NOS1: variants seen among roughly 807,000 people sequenced by gnomAD.
NOS1 encodes nitric oxide synthase 1.
NOS1 carries 51 observed loss-of-function variants against 164.5 expected under a neutral mutation model. That is an observed-to-expected ratio of 0.31 (90% CI 0.25 to 0.39). The LOEUF (loss-of-function observed/expected upper bound fraction) is 0.39. Ranked by LOEUF, NOS1 falls within the 10% of genes least tolerant of loss-of-function variation. The pLI, the probability that NOS1 is intolerant of heterozygous loss-of-function variation, is 1.00. For synonymous variants in NOS1, 719 were observed against 745.8 expected (o/e 0.96, Z 0.59); for missense variants, 1,362 against 1,885.6 (o/e 0.72, Z 5.14).
intron 1 of NOS1, among the ~76,000 whole-genome samples, chr12:117,359,224 C>A (rs1247501439): frequency 6.7e-6 from 1 of 149,492 alleles, no homozygotes; most frequent in African/African-American, 2.4e-5. Flanking sequence ...GCTGGTGGGG[C>A]GGACACCCCC....
Position 117,220,103 on chromosome 12 carries a change from TC to T in NOS1, c.4141del (p.Asp1381ThrfsTer9). On this transcript the variant is annotated frameshift_variant, in exon 27 of 29. Transcript: ENST00000317775. LOFTEE classifies it high-confidence loss of function. ...MTQQGKLSAE[D>X]AGVFISRMRD... ...CATCCGGCTGATGAATACGCCGGCG[TC>T]CTCTGCCGAGAGCTTCCCCTGCTGG... is the stretch of plus-strand genomic sequence containing the variant. The T allele has an allele frequency of 6.2e-7, 1 of 1,612,506 alleles. No individual in the cohort carries two copies. Among genetic ancestry groups the T allele is most frequent in the Non-Finnish European group, 8.5e-7 (1 of 1,179,314 alleles).
chr12:117,319,989 C>T (rs952759741), intron 2 of NOS1, among the ~76,000 whole-genome samples: 4 of 152,112 alleles, frequency 2.6e-5, no homozygotes, highest in Admixed American at 6.6e-5. Context: ...TCCTAAAGTA[C>T]GTAGCTGGTG....
At chr12:117,238,913 G>A (rs1869943390) in intron 20 of NOS1, among the ~76,000 whole-genome samples, 1 of 152,164 alleles carries the variant, frequency 6.6e-6, no homozygotes, top group Non-Finnish European at 1.5e-5. Flanking sequence ...TCTGCTCTTC[G>A]GAAAATGATG....
intron 4 of NOS1, 104 bp from the exon 5 acceptor site, chr12:117,288,323 C>T (rs2139734): frequency 1.8e-6 from 2 of 1,096,900 alleles, no homozygotes; most frequent in Non-Finnish European, 2.6e-6. Context: ...TTATCTGGCC[C>T]TTAATTCCCA....
chr12:117,341,597 T>C (rs1437846250), intron 1 of NOS1, among the ~76,000 whole-genome samples: 1 of 152,172 alleles, frequency 6.6e-6, no homozygotes, highest in Admixed American at 6.5e-5. Flanking sequence ...GTTCCTTCTA[T>C]CCATGGACGC....
At chr12:117,216,775 G>A (rs1956618190) in intron 28 of NOS1, among the ~76,000 whole-genome samples, 1 of 152,144 alleles carries the variant, frequency 6.6e-6, no homozygotes, top group South Asian at 2.1e-4. Context: ...CACCACACCT[G>A]GCCTTAAAGG....
rs1000582035 is a variant in NOS1, at chr12:117,359,196, G to A, written c.-421+2316C>T. Reference sequence around the variant, plus strand: ...AAATCCAGACTAGTGGAAAGGGGCCGGGGCCCGCCGTGGCGGTGCTGGTGG... The same window carrying A: ...AAATCCAGACTAGTGGAAAGGGGCCAGGGCCCGCCGTGGCGGTGCTGGTGG... On this transcript the variant is annotated intron_variant, in intron 1 of 28. Coordinates refer to ENST00000317775, the MANE Select transcript of NOS1 (RefSeq NM_000620.5). 1.1e-4 allele frequency among the ~76,000 whole-genome samples: 14 copies of A among 133,126 alleles called. No individual in the cohort carries two copies. In the South Asian group the frequency reaches 1.5e-3, roughly 14 times the overall value. 87.3% of individuals were successfully genotyped at this position (133,126 alleles called of 152,430 possible).
Position 117,209,731 on chromosome 12 carries a change from G to A in NOS1, c.*5578C>T, listed in dbSNP as rs1394634042. 2 of 985,402 alleles carry A rather than the reference G, an allele frequency of 2.0e-6. No homozygotes were observed. Among genetic ancestry groups the A allele is most frequent in the Admixed American group, 6.1e-5 (1 of 16,276 alleles). 61.0% of individuals were successfully genotyped at this position (985,402 alleles called of 1,614,324 possible). ...CAGACACTGCTTTCCACGGGTGAAAGTGTACCTGGGTCCTTACATTTGGGG... is the reference window on the plus strand; with the variant it reads ...CAGACACTGCTTTCCACGGGTGAAAATGTACCTGGGTCCTTACATTTGGGG... On this transcript the variant is annotated 3_prime_UTR_variant, in exon 29 of 29. Transcript: ENST00000317775.
intron 1 of NOS1, among the ~76,000 whole-genome samples, chr12:117,348,946 G>T (rs1876487485): frequency 6.6e-6 from 1 of 152,198 alleles, no homozygotes; most frequent in Non-Finnish European, 1.5e-5. Context: ...TCATGCCATT[G>T]TCAATCTTCT....
At chr12:117,286,005 AC>A in intron 6 of NOS1, 98 bp downstream of exon 6, 1 of 1,333,682 alleles carries the variant, frequency 7.5e-7, no homozygotes. Flanking sequence ...GCTACCAGGT[AC>A]CCTTGGTAGA....
chr12:117,343,591 T>C (rs1876214785), intron 1 of NOS1, among the ~76,000 whole-genome samples: 1 of 152,252 alleles, frequency 6.6e-6, no homozygotes, highest in Non-Finnish European at 1.5e-5. Flanking sequence ...ACTTTCGTAA[T>C]GATTAAGCAA....
At chr12:117,258,998 C>G (rs781693796) in intron 15 of NOS1, 28 bp downstream of exon 15, 2 of 1,538,006 alleles carry the variant, frequency 1.3e-6, no homozygotes, top group Non-Finnish European at 1.8e-6. Flanking sequence ...TGGAACCACA[C>G]TCTTGAACAG....
chr12:117,242,868 T>C (rs912942704), intron 19 of NOS1, among the ~76,000 whole-genome samples, 163 bp from the exon 20 acceptor site: 3 of 152,090 alleles, frequency 2.0e-5, no homozygotes, highest in African/African-American at 7.2e-5. Context: ...CTGGGAAACA[T>C]AATGAGATCT....
At chr12:117,240,751 T>C (rs1208615570) in intron 20 of NOS1, among the ~76,000 whole-genome samples, 2 of 152,102 alleles carry the variant, frequency 1.3e-5, no homozygotes, top group Non-Finnish European at 2.9e-5. Flanking sequence ...TCCCATTCTG[T>C]AGGTAAGGAG....
chr12:117,221,581 G>A (rs1245652696), intron 26 of NOS1, among the ~76,000 whole-genome samples: 2 of 151,762 alleles, frequency 1.3e-5, no homozygotes, highest in Non-Finnish European at 2.9e-5. Context: ...ACCACACCCG[G>A]CCTAAATTTG....
In NOS1 at chr12:117,285,303, G is replaced by A. The variant is rs1415979304; in HGVS notation, c.1320C>T (p.Ala440=). The change falls in exon 7 of 29, where the codon GCC becomes GCT. Residue 440 remains alanine, a synonymous_variant. Coordinates refer to ENST00000317775, the MANE Select transcript of NOS1 (RefSeq NM_000620.5). The part of the protein sequence containing the change: ...QVFDARDCTT[A]HGMFNYICNH... ...TACAGATGTAGTTGAACATCCCGTG[G>A]GCCGTGGTGCAGTCACGGGCATCGA... The A allele has an allele frequency of 2.1e-5, 34 of 1,610,854 alleles. No individual in the cohort carries two copies. Among genetic ancestry groups the A allele is most frequent in the Non-Finnish European group, 2.9e-5 (34 of 1,178,042 alleles).
At chr12:117,326,933 A>C (rs1215151569) in intron 2 of NOS1, among the ~76,000 whole-genome samples, 3 of 151,778 alleles carry the variant, frequency 2.0e-5, no homozygotes, top group Non-Finnish European at 4.4e-5. Flanking sequence ...GATCAAACGA[A>C]CTCCCTGGAG....
At chr12:117,248,263 G>A (rs1485570190) in intron 17 of NOS1, among the ~76,000 whole-genome samples, 3 of 151,454 alleles carry the variant, frequency 2.0e-5, no homozygotes, top group Non-Finnish European at 4.4e-5. Flanking sequence ...AGTTACATAT[G>A]TATACATGTG....
intron 1 of NOS1, among the ~76,000 whole-genome samples, chr12:117,358,102 T>A (rs193274350): frequency 6.6e-5 from 10 of 152,286 alleles, no homozygotes; most frequent in African/African-American, 2.4e-4. Context: ...AGTCTTGTCA[T>A]AAGACACCCC....
Sources: allele counts gnomAD v4.1 joint callset (sites outside exome capture counted in the v4.1 genomes callset), GRCh38; gene constraint gnomAD v4.1.1; transcripts MANE v1.5; gene names NCBI Gene and HGNC (gene_info 2026-07-23, HGNC 2026-07-21).